Variants in EXOC6 observed in about 807,000 individuals in gnomAD.
EXOC6 encodes SEC15-like 1.
In EXOC6, 60 loss-of-function variants were observed where a neutral mutation model predicts 112.5. The observed-to-expected ratio is 0.53, with a 90% CI of 0.43 to 0.66. The LOEUF (loss-of-function observed/expected upper bound fraction) is 0.66, where lower values mean the gene tolerates loss of function less well. Ranked by LOEUF, EXOC6 falls within the 30% of genes least tolerant of loss-of-function variation. The pLI, the probability that EXOC6 is intolerant of heterozygous loss-of-function variation, is 0.00. For synonymous variants in EXOC6, 295 were observed against 308.0 expected (o/e 0.96, Z 0.44); for missense variants, 855 against 957.1 (o/e 0.89, Z 1.41).
rs1304634060 is a variant in EXOC6, at chr10:92,935,796, G to T, written c.1141-18G>T. The T allele has an allele frequency of 7.0e-6, 11 of 1,569,854 alleles. No homozygotes were observed. The highest frequency in any genetic ancestry group is 3.4e-5 in the Admixed American group (2 of 58,474). ...TTGTTGTCGGTGTTTTGTTTTGTTT[G>T]TGTGTTTCCACCCTCAGTCCTATTG... On this transcript the variant is annotated intron_variant, in intron 11 of 21. Coordinates refer to ENST00000260762, the MANE Select transcript of EXOC6 (RefSeq NM_019053.6).
chr10:92,869,093 T>C (rs932150718), intron 1 of EXOC6, among the ~76,000 whole-genome samples: 1 of 152,210 alleles, frequency 6.6e-6, no homozygotes, highest in Non-Finnish European at 1.5e-5. Flanking sequence ...TTTTGTCAGA[T>C]GTTTTTCAGC....
intron 20 of EXOC6, among the ~76,000 whole-genome samples, chr10:93,046,128 T>C (rs1458199632): frequency 1.3e-5 from 2 of 152,228 alleles, no homozygotes; most frequent in East Asian, 3.8e-4. Context: ...TCAACAGATA[T>C]TTAGTTGATG....
intron 1 of EXOC6, among the ~76,000 whole-genome samples, chr10:92,840,093 A>G (rs959551630): frequency 6.6e-6 from 1 of 151,172 alleles, no homozygotes; most frequent in African/African-American, 2.4e-5. Context: ...AGGAATAAAG[A>G]TAACGTGCTT....
At chr10:93,027,647 A>G (rs1312367883) in intron 20 of EXOC6, among the ~76,000 whole-genome samples, 1 of 152,232 alleles carries the variant, frequency 6.6e-6, no homozygotes, top group Non-Finnish European at 1.5e-5. Flanking sequence ...AAATGGAACA[A>G]CAAAGCCTGG....
Position 92,893,445 on chromosome 10 carries a change from T to C in EXOC6, c.198T>C (p.Cys66=), listed in dbSNP as rs1275504117. ...ATGACAAGGAAATTGAAAAGATGTGTAATTTTCATCATCAGGGTTTTGTAG... is the reference window on the plus strand; with the variant it reads ...ATGACAAGGAAATTGAAAAGATGTGCAATTTTCATCATCAGGGTTTTGTAG... ...RNHDKEIEKM[C]NFHHQGFVDA... Residue 66 remains cysteine (C), a synonymous_variant, in exon 2 of 22, where the codon TGT becomes TGC. Transcript: ENST00000260762. 6.2e-7 allele frequency: 1 copy of C among 1,612,902 alleles called. No individual in the cohort carries two copies. The highest frequency in any genetic ancestry group is 8.5e-7 in the Non-Finnish European group (1 of 1,179,290).
chr10:92,975,151 A>G (rs1451883595), intron 18 of EXOC6, among the ~76,000 whole-genome samples: 16 of 145,802 alleles, frequency 1.1e-4, no homozygotes, highest in Non-Finnish European at 2.1e-4. Context: ...CATCCCATGT[A>G]CGAAGTGAGG....
intron 4 of EXOC6, among the ~76,000 whole-genome samples, chr10:92,897,757 C>G (rs1268756508): frequency 6.6e-6 from 1 of 152,166 alleles, no homozygotes; most frequent in Non-Finnish European, 1.5e-5. Flanking sequence ...GAAGGCTGAT[C>G]AAGGACTCAA....
chr10:92,978,245 A>T (rs1842706076), intron 18 of EXOC6, among the ~76,000 whole-genome samples: 1 of 152,142 alleles, frequency 6.6e-6, no homozygotes, highest in African/African-American at 2.4e-5. Flanking sequence ...CCCAGTCTCT[A>T]CAAAAAATAC....
chr10:92,826,913 G>A (rs1355458274), exon 1 of EXOC6, among the ~76,000 whole-genome samples: 2 of 152,254 alleles, frequency 1.3e-5, no homozygotes, highest in South Asian at 2.1e-4. Flanking sequence ...GGAACACTGA[G>A]GTCAGTGCAA....
intron 17 of EXOC6, among the ~76,000 whole-genome samples, chr10:92,959,500 A>G (rs1853870047): frequency 6.6e-6 from 1 of 152,182 alleles, no homozygotes; most frequent in Non-Finnish European, 1.5e-5. Context: ...GATAGAAATA[A>G]TTGATAAACT....
chr10:92,985,099 T>C (rs1842952999), intron 18 of EXOC6, among the ~76,000 whole-genome samples: 2 of 152,060 alleles, frequency 1.3e-5, no homozygotes, highest in African/African-American at 4.8e-5. Flanking sequence ...TTTTGCCCCA[T>C]CCCCCTCTGC....
At chr10:92,849,632 C>T (rs1301227750) in intron 1 of EXOC6, among the ~76,000 whole-genome samples, 1 of 152,162 alleles carries the variant, frequency 6.6e-6, no homozygotes, top group East Asian at 1.9e-4. Flanking sequence ...GAATACACTT[C>T]CTAGAATAGA....
At chr10:92,986,261 T>A (rs1049181799) in intron 18 of EXOC6, among the ~76,000 whole-genome samples, 1 of 152,160 alleles carries the variant, frequency 6.6e-6, no homozygotes, top group African/African-American at 2.4e-5. Context: ...TTATATACAC[T>A]TTGAAAGATT....
chr10:92,957,867 C>T lies in EXOC6; in HGVS notation c.1773+2153C>T, dbSNP rs1425633776. On this transcript the variant is annotated intron_variant, in intron 17 of 21. Transcript: ENST00000260762. ...TAGTCTGTTACCTCTTTCACAAAAACGATTGAAGTACAGTCTTGGCTGTAG... is the reference window on the plus strand; with the variant it reads ...TAGTCTGTTACCTCTTTCACAAAAATGATTGAAGTACAGTCTTGGCTGTAG... Among the ~76,000 whole-genome samples, 3 of 152,062 alleles carry T rather than the reference C, an allele frequency of 2.0e-5. No individual in the cohort carries two copies. In the East Asian group the frequency reaches 5.8e-4, roughly 29 times the overall value.
intron 1 of EXOC6, among the ~76,000 whole-genome samples, chr10:92,849,486 G>C (rs1194638989): frequency 6.6e-6 from 1 of 152,156 alleles, no homozygotes; most frequent in African/African-American, 2.4e-5. Flanking sequence ...CCATGGGTTA[G>C]GTTAGGCACT....
intron 12 of EXOC6, among the ~76,000 whole-genome samples, chr10:92,937,626 TG>T (rs1852421786): frequency 6.6e-6 from 1 of 152,152 alleles, no homozygotes; most frequent in South Asian, 2.1e-4. Flanking sequence ...TGGGATTTTT[TG>T]TTGTTGTTTT....
At chr10:92,930,214 A>G (rs1054878828) in intron 9 of EXOC6, among the ~76,000 whole-genome samples, 1 of 152,142 alleles carries the variant, frequency 6.6e-6, no homozygotes, top group Non-Finnish European at 1.5e-5. Flanking sequence ...ACAAATATAA[A>G]AAGCTGGGCT....
At chr10:92,915,632 A>G (rs1851040798) in intron 6 of EXOC6, 126 bp from the exon 7 acceptor site, 1 of 419,050 alleles carries the variant, frequency 2.4e-6, no homozygotes, top group African/African-American at 2.1e-5. Flanking sequence ...AAGAAAGGAG[A>G]CATCACTACA....
chr10:92,851,943 C>T (rs1424156750), intron 1 of EXOC6, among the ~76,000 whole-genome samples: 1 of 151,914 alleles, frequency 6.6e-6, no homozygotes, highest in Non-Finnish European at 1.5e-5. Flanking sequence ...TGGTGTGTGC[C>T]TGTGGTCCCA....
Sources: gnomAD v4.1 joint callset for allele counts (sites outside exome capture counted in the v4.1 genomes callset) on GRCh38, gnomAD v4.1.1 for gene constraint, MANE v1.5 for transcripts, NCBI Gene and HGNC (gene_info 2026-07-23, HGNC 2026-07-21) for gene names.